CACNG7: variants seen among roughly 807,000 people sequenced by gnomAD.
The protein encoded by CACNG7 is calcium voltage-gated channel auxiliary subunit gamma 7.
In CACNG7, 9 loss-of-function variants were observed where a neutral mutation model predicts 26.3. The ratio of observed to expected loss-of-function variants is 0.34; its 90% CI spans 0.21 to 0.60. CACNG7 has a LOEUF of 0.60. Ranked by LOEUF, CACNG7 falls within the 20% of genes least tolerant of loss-of-function variation. CACNG7 has a pLI of 0.81. For missense variants in CACNG7, 297 were observed against 380.4 expected (o/e 0.78, Z 1.82); for synonymous variants, 170 against 157.0 (o/e 1.08, Z -0.62).
Position 53,909,391 on chromosome 19 carries a change from G to A in CACNG7, c.-156G>A, listed in dbSNP as rs1284259538. On this transcript the variant is annotated 5_prime_UTR_variant, in exon 1 of 6. Coordinates refer to ENST00000391767, the MANE Select transcript of CACNG7 (RefSeq NM_031896.5). This position sits in a 1 kb window ranked among gnomAD's most constrained non-coding sequence, Gnocchi z 5.1. ...GGAGGGGGCCGGGACGCCGGGCTCC[G>A]GGGCGGGGGCGGGGGGCGCGGGCAC... The A allele has an allele frequency of 2.7e-5, 4 of 148,760 alleles. No individual in the cohort carries two copies. The highest frequency in any genetic ancestry group is 3.6e-4 in the South Asian group (2 of 5,550). The allele number at this position is 148,760 out of a possible 1,614,324, so 9.2% of individuals were successfully genotyped here. A position where few individuals can be genotyped will look rare whatever the true frequency, so the allele number is the denominator to read the frequency against.
At chr19:53,915,617 C>T in intron 4 of CACNG7, 112 bp downstream of exon 4, 1 of 1,179,070 alleles carries the variant, frequency 8.5e-7, no homozygotes, top group South Asian at 1.5e-5. Context: ...AGGTGCAGAC[C>T]CTCTCTGAGC....
intron 4 of CACNG7, among the ~76,000 whole-genome samples, chr19:53,917,341 C>T (rs185198560): frequency 6.6e-6 from 1 of 152,218 alleles, no homozygotes; most frequent in African/African-American, 2.4e-5. Context: ...ATGAACAAAC[C>T]CCACTGCATG....
intron 4 of CACNG7, among the ~76,000 whole-genome samples, chr19:53,930,123 G>T (rs2069061233): frequency 1.3e-5 from 2 of 149,534 alleles, no homozygotes. Flanking sequence ...ATGGGGAGGG[G>T]TTATTATATT....
chr19:53,925,337 G>T (rs1295303219), intron 4 of CACNG7, among the ~76,000 whole-genome samples: 1 of 149,384 alleles, frequency 6.7e-6, no homozygotes, highest in East Asian at 2.0e-4. Flanking sequence ...CTGGTCATTG[G>T]TGGAGTTGCC....
intron 4 of CACNG7, among the ~76,000 whole-genome samples, chr19:53,923,806 T>C (rs892783883): frequency 8.9e-6 from 1 of 112,232 alleles, no homozygotes; most frequent in Non-Finnish European, 1.8e-5. Context: ...GGTCTGGTCA[T>C]TGGTGGAGTT....
In CACNG7 at chr19:53,917,481, C is replaced by T. The variant is rs534377411; in HGVS notation, c.424+1976C>T. ...AGCACCTGATCCAATATCCTCTCCTCCAGTCTCTGCTCCTCACCCAGGCTC... is the reference window on the plus strand; with the variant it reads ...AGCACCTGATCCAATATCCTCTCCTTCAGTCTCTGCTCCTCACCCAGGCTC... On this transcript the variant is annotated intron_variant, in intron 4 of 5. Coordinates refer to ENST00000391767, the MANE Select transcript of CACNG7 (RefSeq NM_031896.5). 3.9e-5 allele frequency among the ~76,000 whole-genome samples: 6 copies of T among 152,280 alleles called. No homozygotes were observed. In the East Asian group the frequency reaches 9.7e-4, roughly 25 times the overall value.
rs1380419973 is a variant in CACNG7 at position 53,941,501 on chromosome 19, C to T, written c.456C>T (p.Tyr152=). Residue 152 remains tyrosine (Y), a synonymous_variant, in exon 5 of 6, where the codon TAC becomes TAT. Transcript: ENST00000391767. ...GLSLVVGLVL[Y]ISSINDEVMN... ...CCTTGGTGGTGGGCTTGGTTCTTTA[C>T]ATCTCCAGCATCAACGACGAGGTCA... The T allele has an allele frequency of 4.4e-6, 7 of 1,591,566 alleles. No individual in the cohort carries two copies. The highest frequency in any genetic ancestry group is 6.0e-6 in the Non-Finnish European group (7 of 1,171,956).
rs1346855105 is a variant in CACNG7, at chr19:53,914,525, C to T, written c.222C>T (p.Ala74=). ...GTCGGGAGAAAGGTCGCTGTGTGGCCTCAGAATATTTTCTTGAACCGGAGA... is the reference window on the plus strand; with the variant it reads ...GTCGGGAGAAAGGTCGCTGTGTGGCTTCAGAATATTTTCTTGAACCGGAGA... ...FAGREKGRCV[A]SEYFLEPEIN... is the part of the protein sequence containing the mutation. Residue 74 remains alanine, a synonymous_variant, in exon 3 of 6, where the codon GCC becomes GCT. Coordinates refer to ENST00000391767, the MANE Select transcript of CACNG7 (RefSeq NM_031896.5). 1.9e-6 allele frequency: 3 copies of T among 1,614,082 alleles called. No homozygotes were observed. The highest frequency in any genetic ancestry group is 2.5e-6 in the Non-Finnish European group (3 of 1,180,004).
chr19:53,920,304 T>C (rs1178983844), intron 4 of CACNG7, among the ~76,000 whole-genome samples: 2 of 81,556 alleles, frequency 2.5e-5, no homozygotes, highest in African/African-American at 6.2e-5. Flanking sequence ...TTGCCCCAGG[T>C]CTGGTCATTG....
intron 4 of CACNG7, among the ~76,000 whole-genome samples, chr19:53,920,246 C>T (rs2068931932): frequency 1.3e-5 from 1 of 77,102 alleles, no homozygotes; most frequent in Admixed American, 1.0e-4. Flanking sequence ...TGGACTTGCC[C>T]CAGGCTGGTC....
chr19:53,916,160 G>A (rs1274357485), intron 4 of CACNG7, among the ~76,000 whole-genome samples: 1 of 152,142 alleles, frequency 6.6e-6, no homozygotes, highest in African/African-American at 2.4e-5. Context: ...GTAAGTTTCA[G>A]GCATCACTAC....
At chr19:53,924,726 T>G (rs1444240268) in intron 4 of CACNG7, among the ~76,000 whole-genome samples, 4 of 143,108 alleles carry the variant, frequency 2.8e-5, no homozygotes, top group Non-Finnish European at 4.5e-5. Context: ...CTGGTATTGG[T>G]GGAGTTGCCC....
Position 53,942,592 on chromosome 19 carries a change from T to C in CACNG7, c.*299T>C. On this transcript the variant is annotated 3_prime_UTR_variant, in exon 6 of 6. Transcript: ENST00000391767. This position sits in a 1 kb window ranked among gnomAD's most constrained non-coding sequence, Gnocchi z 5.9. ...CCTCCTCTCCAAGAAAATTAGCTCC[T>C]CCCTCGTTCTCCACCTGCTCTGAGC... is the stretch of plus-strand genomic sequence containing the variant. 2 of 1,265,682 alleles carry C rather than the reference T, an allele frequency of 1.6e-6. No individual in the cohort carries two copies. Among genetic ancestry groups the C allele is most frequent in the South Asian group, 2.4e-5 (1 of 41,852 alleles). The allele number at this position is 1,265,682 out of a possible 1,614,324, so 78.4% of individuals were successfully genotyped here. A position where few individuals can be genotyped will look rare whatever the true frequency, so the allele number is the denominator to read the frequency against.
intron 4 of CACNG7, among the ~76,000 whole-genome samples, chr19:53,923,712 C>T (rs1296018637): frequency 2.2e-5 from 3 of 138,126 alleles, no homozygotes; most frequent in African/African-American, 9.1e-5. Flanking sequence ...TGGAGTTGTC[C>T]CAGGTCTGGT....
Position 53,943,213 on chromosome 19 carries a change from C to G in CACNG7, c.*920C>G, listed in dbSNP as rs1013728173. On this transcript the variant is annotated 3_prime_UTR_variant, in exon 6 of 6. Coordinates refer to ENST00000391767, the MANE Select transcript of CACNG7 (RefSeq NM_031896.5). ...TCCGCACCTGTGCCCGCCTCTCCCC[C>G]CTCGAGGCCCCGTCGAGGGAGGGAG... 2 of 152,196 alleles carry G rather than the reference C, an allele frequency of 1.3e-5. No homozygotes were observed. The highest frequency in any genetic ancestry group is 2.9e-5 in the Non-Finnish European group (2 of 68,104). The allele number at this position is 152,196 out of a possible 1,614,324, so 9.4% of individuals were successfully genotyped here.
chr19:53,911,715 G>A (rs1000646668), intron 1 of CACNG7, among the ~76,000 whole-genome samples: 2 of 152,196 alleles, frequency 1.3e-5, no homozygotes, highest in African/African-American at 2.4e-5. Flanking sequence ...ACAGGGCTGC[G>A]AGAGGACCAG....
rs1248382112 is a variant in CACNG7 at position 53,942,913 on chromosome 19, C to T, written c.*620C>T. ...TAACCTGGCCCTTCCCTCCCCATCT[C>T]CCCTACTTCCCTGGAAGGTCCCATT... On this transcript the variant is annotated 3_prime_UTR_variant, in exon 6 of 6. Transcript: ENST00000391767. This position sits in a 1 kb window ranked among gnomAD's most constrained non-coding sequence, Gnocchi z 5.9. 6.5e-6 allele frequency: 1 copy of T among 152,694 alleles called. No homozygotes were observed. Among genetic ancestry groups the T allele is most frequent in the African/African-American group, 2.4e-5 (1 of 41,474 alleles). The allele number at this position is 152,694 out of a possible 1,614,324, so 9.5% of individuals were successfully genotyped here. A position where few individuals can be genotyped will look rare whatever the true frequency, so the allele number is the denominator to read the frequency against.
At position 53,919,014 on chromosome 19, in the gene CACNG7, C is replaced by T. The variant is rs575797783; in HGVS notation, c.424+3509C>T. On this transcript the variant is annotated intron_variant, in intron 4 of 5. Coordinates refer to ENST00000391767, the MANE Select transcript of CACNG7 (RefSeq NM_031896.5). Reference sequence around the variant, plus strand: ...TGAACTCTCGACCTCAGGTGATCCGCCCGCCTCGGCCTCCCGAAGTGCTGG... The same window carrying T: ...TGAACTCTCGACCTCAGGTGATCCGTCCGCCTCGGCCTCCCGAAGTGCTGG... Among the ~76,000 whole-genome samples, 29 of 152,312 alleles carry T rather than the reference C, an allele frequency of 1.9e-4. 1 individual carries two copies. Among genetic ancestry groups the T allele is most frequent in the African/African-American group, 7.0e-4 (29 of 41,572 alleles).
At chr19:53,924,578 GC>G (rs2069006056) in intron 4 of CACNG7, among the ~76,000 whole-genome samples, 2 of 144,078 alleles carry the variant, frequency 1.4e-5, no homozygotes, top group Admixed American at 6.9e-5. Flanking sequence ...TGGTGGAGTT[GC>G]CCCAGGCTGG....
Sources: gnomAD v4.1 joint callset for allele counts (sites outside exome capture counted in the v4.1 genomes callset) on GRCh38, gnomAD v4.1.1 for gene constraint, Gnocchi (gnomAD v3.1) non-coding constraint, MANE v1.5 for transcripts, NCBI Gene and HGNC (gene_info 2026-07-23, HGNC 2026-07-21) for gene names.